The following GOLGA1 variants were observed in gnomAD, a reference collection of about 807,000 sequenced individuals.
GOLGA1 encodes golgin A1, also known as golgin subfamily A member 1.
In GOLGA1, 63 loss-of-function variants were observed where a neutral mutation model predicts 119.7. That is an observed-to-expected ratio of 0.53 (90% CI 0.43 to 0.65). The LOEUF (loss-of-function observed/expected upper bound fraction) is 0.65, where lower values mean the gene tolerates loss of function less well. Ranked by LOEUF, GOLGA1 falls within the 30% of genes least tolerant of loss-of-function variation. The probability of loss-of-function intolerance (pLI) is 0.00; values close to 1 mark genes in which losing one functional copy is unlikely to be tolerated. For synonymous variants in GOLGA1, 318 were observed against 333.4 expected (o/e 0.95, Z 0.50); for missense variants, 798 against 912.8 (o/e 0.87, Z 1.62).
At chr9:124,903,893 C>A (rs1830162471) in intron 12 of GOLGA1, among the ~76,000 whole-genome samples, 1 of 151,590 alleles carries the variant, frequency 6.6e-6, no homozygotes, top group Non-Finnish European at 1.5e-5. Flanking sequence ...TACTAAAATG[C>A]AAAAAATTAG....
At chr9:124,935,586 C>T (rs1792652285) in intron 3 of GOLGA1, among the ~76,000 whole-genome samples, 1 of 151,916 alleles carries the variant, frequency 6.6e-6, no homozygotes, top group Admixed American at 6.6e-5. Flanking sequence ...TGCCTGAACT[C>T]AGGAGTTCAA....
At chr9:124,896,270 C>T (rs1460144362) in intron 15 of GOLGA1, among the ~76,000 whole-genome samples, 1 of 152,030 alleles carries the variant, frequency 6.6e-6, no homozygotes, top group Non-Finnish European at 1.5e-5. Flanking sequence ...AAAAATTAGC[C>T]AGGCATGGTG....
In GOLGA1 at chr9:124,938,764, C is replaced by T; in HGVS notation, c.-53G>A. 2.6e-6 allele frequency: 4 copies of T among 1,529,592 alleles called. No individual in the cohort carries two copies. Among genetic ancestry groups the T allele is most frequent in the Non-Finnish European group, 3.5e-6 (4 of 1,127,768 alleles). The allele number at this position is 1,529,592 out of a possible 1,614,324, so 94.8% of individuals were successfully genotyped here. The stretch of plus-strand genomic sequence containing the variant: ...TGACGAGCTCTCAGTAGTCCTGGTG[C>T]CTGTGTTCAGGATTCAGACAGAGGC... On this transcript the variant is annotated 5_prime_UTR_variant, in exon 3 of 23. Coordinates refer to ENST00000373555, the MANE Select transcript of GOLGA1 (RefSeq NM_002077.4).
chr9:124,919,109 T>C (rs553830493), intron 10 of GOLGA1, among the ~76,000 whole-genome samples: 1 of 151,584 alleles, frequency 6.6e-6, no homozygotes, highest in Non-Finnish European at 1.5e-5. Context: ...AAAAAAAAAT[T>C]AGCCTGTTGT....
At chr9:124,890,605 G>A in intron 15 of GOLGA1, 127 bp from the exon 16 acceptor site, 5 of 753,944 alleles carry the variant, frequency 6.6e-6, no homozygotes, top group Admixed American at 2.0e-5. Context: ...CCACTTCCCA[G>A]GCTCCCAGCC....
intron 11 of GOLGA1, among the ~76,000 whole-genome samples, chr9:124,911,068 G>A (rs1830329670): frequency 6.6e-6 from 1 of 152,200 alleles, no homozygotes; most frequent in South Asian, 2.1e-4. Flanking sequence ...TACACTTCCT[G>A]TAGACTGTTG....
rs1830930865 is a variant in GOLGA1 at position 124,938,675 on chromosome 9, T to C, written c.37A>G (p.Thr13Ala). ...AKLKKKIAEE[T>A]AVAQRPGGAT... Reference sequence around the variant, plus strand: ...CCTCCTGGCCTCTGAGCAACAGCAGTCTCTTCTGCAATTTTCTTCTTCAGT... The same window carrying C: ...CCTCCTGGCCTCTGAGCAACAGCAGCCTCTTCTGCAATTTTCTTCTTCAGT... The change falls in exon 3 of 23, where the codon ACT becomes GCT. Residue 13 changes from threonine (T) to alanine (A), a missense_variant. Thr to Ala is a moderately conservative substitution (Grantham distance 58). Transcript: ENST00000373555. 4.3e-6 allele frequency: 7 copies of C among 1,613,488 alleles called. No homozygotes were observed. The East Asian group carries it at 1.6e-4, about 36-fold the overall frequency.
At chr9:124,923,002 G>T (rs970453678) in intron 8 of GOLGA1, 93 bp downstream of exon 8, 8 of 762,486 alleles carry the variant, frequency 1.0e-5, no homozygotes, top group Admixed American at 4.9e-5. Flanking sequence ...TATTACTGGT[G>T]TATGTTTATC....
chr9:124,940,296 C>T (rs1588103485), intron 1 of GOLGA1, 141 bp from the exon 2 acceptor site: 1 of 152,358 alleles, frequency 6.6e-6, no homozygotes, highest in East Asian at 1.9e-4. Context: ...CCTGTCACAA[C>T]TCTCAATGGG....
At chr9:124,908,155 G>C (rs918679594) in intron 12 of GOLGA1, among the ~76,000 whole-genome samples, 1 of 152,224 alleles carries the variant, frequency 6.6e-6, no homozygotes, top group Non-Finnish European at 1.5e-5. Flanking sequence ...TCCTATGGGA[G>C]GGAGGCCAAT....
chr9:124,892,413 C>T (rs1433920564), intron 15 of GOLGA1, among the ~76,000 whole-genome samples: 1 of 152,180 alleles, frequency 6.6e-6, no homozygotes, highest in Non-Finnish European at 1.5e-5. Context: ...TCCTTCCATG[C>T]ACTGCTTTAG....
chr9:124,935,002 G>C (rs1485451620), intron 3 of GOLGA1, among the ~76,000 whole-genome samples: 1 of 152,060 alleles, frequency 6.6e-6, no homozygotes, highest in African/African-American at 2.4e-5. Context: ...GGCTGTGATC[G>C]GGCCACTGCA....
At chr9:124,894,261 C>T (rs549932617) in intron 15 of GOLGA1, among the ~76,000 whole-genome samples, 51 of 152,160 alleles carry the variant, frequency 3.4e-4, no homozygotes, top group Non-Finnish European at 5.6e-4. Context: ...TGAGCCTGTG[C>T]TTGTGGGTGT....
upstream of GOLGA1, chr9:124,945,683 G>A (rs930220465): frequency 2.0e-5 from 3 of 152,060 alleles, no homozygotes; most frequent in African/African-American, 7.2e-5. Flanking sequence ...TCCAATTAAA[G>A]GCATATCACC....
upstream of GOLGA1, among the ~76,000 whole-genome samples, chr9:124,941,313 C>T (rs1415662702): frequency 6.6e-6 from 1 of 152,238 alleles, no homozygotes; most frequent in African/African-American, 2.4e-5. Context: ...CGAGGCCTCT[C>T]GGTCTTTTTC....
chr9:124,884,774 T>TGC (rs1829678736), intron 19 of GOLGA1, among the ~76,000 whole-genome samples: 1 of 152,240 alleles, frequency 6.6e-6, no homozygotes, highest in Non-Finnish European at 1.5e-5. Flanking sequence ...CTACTTTATC[T>TGC]TACGTTATTT....
At chr9:124,944,951 T>C (rs1267644872), upstream of GOLGA1, 1 of 152,204 alleles carries the variant, frequency 6.6e-6, no homozygotes, top group Non-Finnish European at 1.5e-5. Context: ...CATAATTCCC[T>C]ATTTCATTCT....
intron 3 of GOLGA1, among the ~76,000 whole-genome samples, chr9:124,937,795 A>G (rs1322242746): frequency 6.6e-6 from 1 of 152,106 alleles, no homozygotes; most frequent in Non-Finnish European, 1.5e-5. Context: ...TAAGAAACAT[A>G]TTGTAGGCTG....
chr9:124,924,156 T>C (rs951814442), intron 7 of GOLGA1, among the ~76,000 whole-genome samples: 1 of 152,190 alleles, frequency 6.6e-6, no homozygotes, highest in Admixed American at 6.5e-5. Context: ...GTGCCCAGCC[T>C]TATTTTACAT....
Sources: allele counts gnomAD v4.1 joint callset (sites outside exome capture counted in the v4.1 genomes callset), GRCh38; gene constraint gnomAD v4.1.1; transcripts MANE v1.5; gene names NCBI Gene and HGNC (gene_info 2026-07-23, HGNC 2026-07-21).